The following RHOBTB2 variants were observed in gnomAD, a reference collection of about 807,000 sequenced individuals.
RHOBTB2 encodes the protein Rho related BTB domain containing 2.
In RHOBTB2, 39 loss-of-function variants were observed where a neutral mutation model predicts 66.5. The observed-to-expected ratio is 0.59, with a 90% confidence interval of 0.45 to 0.77. The LOEUF (loss-of-function observed/expected upper bound fraction) is 0.77, where lower values mean the gene tolerates loss of function less well. Among genes scored for constraint, RHOBTB2 ranks in the 30% least tolerant of loss-of-function variants. RHOBTB2 has a pLI of 0.00. For missense variants in RHOBTB2, 755 were observed against 999.1 expected (o/e 0.76, Z 3.29); for synonymous variants, 390 against 395.0 (o/e 0.99, Z 0.15).
upstream of RHOBTB2, among the ~76,000 whole-genome samples, chr8:22,997,926 A>G (rs1208715932): frequency 3.3e-5 from 5 of 152,228 alleles, no homozygotes; most frequent in Admixed American, 1.3e-4. Flanking sequence ...GAGGAAGAAC[A>G]TGTGTGAGCA....
chr8:22,995,773 C>A, upstream of RHOBTB2: 2 of 1,413,934 alleles, frequency 1.4e-6, no homozygotes, highest in Non-Finnish European at 2.0e-6. Flanking sequence ...CACCACGTGC[C>A]CCAGCCTGCA....
chr8:22,973,291 C>T, the RHOBTB2 span, among the ~76,000 whole-genome samples: 12 of 152,050 alleles, frequency 7.9e-5, no homozygotes, highest in African/African-American at 1.9e-4. Flanking sequence ...TGCAGTGGCC[C>T]GATCATCGCT....
At position 23,017,515 on chromosome 8, in the gene RHOBTB2, C is replaced by T. The variant is rs978072256; in HGVS notation, c.*46C>T. 7 of 1,550,670 alleles carry T rather than the reference C, an allele frequency of 4.5e-6. No homozygotes were observed. Among genetic ancestry groups the T allele is most frequent in the Non-Finnish European group, 5.2e-6 (6 of 1,147,008 alleles). On this transcript the variant is annotated 3_prime_UTR_variant, in exon 10 of 10. Transcript: ENST00000251822. This position sits in a 1 kb window ranked among gnomAD's most constrained non-coding sequence, Gnocchi z 5.3. ...ACCCTGCTGCTGTTGTCCCCATCCGCCTTCACCCCTCTGCTCTTCCGCATC... is the reference window on the plus strand; with the variant it reads ...ACCCTGCTGCTGTTGTCCCCATCCGTCTTCACCCCTCTGCTCTTCCGCATC...
Position 23,008,054 on chromosome 8 carries a change from C to T in RHOBTB2, c.1563C>T (p.Ser521=). ...CCCACAAGCCCCTGTTGATTTCCAG[C>T]TGTGACTGGATGGCTGCCATGTTTG... ...ISAHKPLLIS[S]CDWMAAMFGG... is the part of the protein sequence containing the mutation. Residue 521 remains serine, a synonymous_variant, in exon 6 of 10, where the codon AGC becomes AGT. Transcript: ENST00000251822. 6.2e-7 allele frequency: 1 copy of T among 1,613,664 alleles called. No homozygotes were observed. The highest frequency in any genetic ancestry group is 1.1e-5 in the South Asian group (1 of 91,052).
the RHOBTB2 span, among the ~76,000 whole-genome samples, chr8:22,982,387 C>T: frequency 2.6e-5 from 4 of 152,102 alleles, no homozygotes; most frequent in African/African-American, 7.2e-5. Context: ...TTGGGGAGGC[C>T]GAGGTCGGTG....
At chr8:22,989,844 C>T (rs1248578862) in intron 1 of RHOBTB2, among the ~76,000 whole-genome samples, 1 of 152,180 alleles carries the variant, frequency 6.6e-6, no homozygotes, top group Non-Finnish European at 1.5e-5. Context: ...CGTCTGTCTC[C>T]CCAAGAGGCT....
chr8:22,999,600 T>A lies in RHOBTB2; in HGVS notation c.-516T>A. On this transcript the variant is annotated 5_prime_UTR_variant, in exon 1 of 10. Transcript: ENST00000251822. ...TGCGATTTTTTTCTCCTCCTTTTTTTACCCTCCCGTTTTTTTCTTTTCTTT... is the reference window on the plus strand; with the variant it reads ...TGCGATTTTTTTCTCCTCCTTTTTTAACCCTCCCGTTTTTTTCTTTTCTTT... 3.3e-6 allele frequency: 4 copies of A among 1,227,658 alleles called. No individual in the cohort carries two copies. Among genetic ancestry groups the A allele is most frequent in the Non-Finnish European group, 4.1e-6 (4 of 966,154 alleles). 76.0% of individuals were successfully genotyped at this position (1,227,658 alleles called of 1,614,324 possible). A position where few individuals can be genotyped will look rare whatever the true frequency, so the allele number is the denominator to read the frequency against.
chr8:22,966,117 G>A, the RHOBTB2 span, among the ~76,000 whole-genome samples: 8 of 149,856 alleles, frequency 5.3e-5, no homozygotes, highest in Admixed American at 3.3e-4. Context: ...TTGGGAGGCC[G>A]AGGTGGGCAG....
rs547242613 is a variant in RHOBTB2 at position 23,004,080 on chromosome 8, G to A, written c.-10-345G>A. 70 of 357,688 alleles carry A rather than the reference G, an allele frequency of 2.0e-4. 1 individual carries two copies. Among genetic ancestry groups the A allele is most frequent in the African/African-American group, 1.3e-3 (64 of 47,644 alleles). 22.2% of individuals were successfully genotyped at this position (357,688 alleles called of 1,614,324 possible). Reference sequence around the variant, plus strand: ...GGGGAAGGAGGAGGAGAGCAGATGAGTGAGCTGCCCTCTCTGGAGAGGGGA... The same window carrying A: ...GGGGAAGGAGGAGGAGAGCAGATGAATGAGCTGCCCTCTCTGGAGAGGGGA... On this transcript the variant is annotated intron_variant, in intron 1 of 9. Transcript: ENST00000251822. The surrounding 1 kb of genome is among the most constrained non-coding windows in gnomAD (Gnocchi z 6.4).
At chr8:22,958,870 T>G in the RHOBTB2 span, among the ~76,000 whole-genome samples, 7 of 138,336 alleles carry the variant, frequency 5.1e-5, no homozygotes, top group African/African-American at 1.9e-4. Context: ...TGGGTACACA[T>G]CTGAATGGGA....
At chr8:22,976,509 T>C in the RHOBTB2 span, among the ~76,000 whole-genome samples, 1 of 152,222 alleles carries the variant, frequency 6.6e-6, no homozygotes, top group African/African-American at 2.4e-5. Context: ...TATTGTTTTC[T>C]ACCCAACAAA....
Position 23,007,028 on chromosome 8 carries a change from G to A in RHOBTB2, c.783G>A (p.Glu261=). ...AGGAGTGCCCCGCCCACCTCCTGGAGGACCCGCTCTGCGCGGACGTCATCC... is the reference window on the plus strand; with the variant it reads ...AGGAGTGCCCCGCCCACCTCCTGGAAGACCCGCTCTGCGCGGACGTCATCC... ...SSEECPAHLL[E]DPLCADVILV... is the part of the protein sequence containing the mutation. Residue 261 remains glutamate (E), a synonymous_variant, in exon 5 of 10, where the codon GAG becomes GAA. Coordinates refer to ENST00000251822, the MANE Select transcript of RHOBTB2 (RefSeq NM_015178.3). 1 of 1,608,882 alleles carries A rather than the reference G, an allele frequency of 6.2e-7. No homozygotes were observed. The highest frequency in any genetic ancestry group is 8.5e-7 in the Non-Finnish European group (1 of 1,178,814).
At chr8:22,962,684 A>T in the RHOBTB2 span, among the ~76,000 whole-genome samples, 7 of 152,354 alleles carry the variant, frequency 4.6e-5, no homozygotes. Context: ...ATATAATAAA[A>T]GGATAGTTTT....
intron 1 of RHOBTB2, among the ~76,000 whole-genome samples, chr8:23,002,548 G>A (rs142300327): frequency 9.9e-4 from 150 of 152,178 alleles, no homozygotes; most frequent in African/African-American, 3.1e-3. Flanking sequence ...AAAATTAGCC[G>A]GCATAGTGGC....
At chr8:22,994,341 C>T (rs1055072044) in intron 2 of RHOBTB2, among the ~76,000 whole-genome samples, 2 of 152,228 alleles carry the variant, frequency 1.3e-5, no homozygotes, top group African/African-American at 4.8e-5. Context: ...CAGTTTCGGC[C>T]TCTCATCTAG....
At chr8:22,954,619 A>G in the RHOBTB2 span, among the ~76,000 whole-genome samples, 1 of 152,270 alleles carries the variant, frequency 6.6e-6, no homozygotes, top group Non-Finnish European at 1.5e-5. Flanking sequence ...AAAAAATAAA[A>G]TCATGTTGTG....
the RHOBTB2 span, among the ~76,000 whole-genome samples, chr8:22,951,205 CT>C: frequency 3.5e-5 from 5 of 141,490 alleles, no homozygotes; most frequent in Non-Finnish European, 6.2e-5. Context: ...TTTCTTTTTT[CT>C]TTCCTCCTTT....
chr8:22,971,020 T>C, the RHOBTB2 span, among the ~76,000 whole-genome samples: 1 of 152,086 alleles, frequency 6.6e-6, no homozygotes, highest in East Asian at 1.9e-4. Context: ...TAGAGAAAAA[T>C]AGAAGTTACG....
intron 3 of RHOBTB2, among the ~76,000 whole-genome samples, chr8:23,005,745 A>T (rs1332108406): frequency 6.6e-6 from 1 of 152,188 alleles, no homozygotes; most frequent in African/African-American, 2.4e-5. Context: ...AGCCATTTCT[A>T]ACTCACAAAA....
Sources: allele counts gnomAD v4.1 joint callset (sites outside exome capture counted in the v4.1 genomes callset), GRCh38; gene constraint gnomAD v4.1.1; non-coding constraint Gnocchi (gnomAD v3.1); transcripts MANE v1.5; gene names NCBI Gene and HGNC (gene_info 2026-07-23, HGNC 2026-07-21).